CR1L: variants seen among roughly 807,000 people sequenced by gnomAD.
CR1L encodes complement C3b/C4b receptor 1 like.
In CR1L, 59 loss-of-function variants were observed where a neutral mutation model predicts 62.3. The ratio of observed to expected loss-of-function variants is 0.95; its 90% CI spans 0.77 to 1.18. CR1L has a LOEUF of 1.18. Among genes scored for constraint, CR1L ranks in the 50% most tolerant of loss-of-function variants. The pLI, the probability that CR1L is intolerant of heterozygous loss-of-function variation, is 0.00. For missense variants in CR1L, 700 were observed against 702.8 expected (o/e 1.00, Z 0.04); for synonymous variants, 279 against 248.7 (o/e 1.12, Z -1.15).
intron 10 of CR1L, chr1:207,710,539 C>T (rs1371806175): frequency 1.9e-6 from 3 of 1,609,272 alleles, no homozygotes; most frequent in Non-Finnish European, 2.5e-6. Context: ...CCATATACTG[C>T]ACCAGCAAAG....
intron 1 of CR1L, among the ~76,000 whole-genome samples, chr1:207,661,364 C>T (rs1663417790): frequency 1.3e-5 from 2 of 152,172 alleles, no homozygotes; most frequent in Non-Finnish European, 2.9e-5. Context: ...ATAGTTAGCT[C>T]TTCTTGTTGA....
intron 9 of CR1L, 37 bp from the exon 10 acceptor site, chr1:207,708,140 TA>T (rs11302038): frequency 0.59 from 937,397 of 1,598,586 alleles, 280,883 homozygotes; most frequent in East Asian, 0.87. Flanking sequence ...GTTGATGAGG[TA>T]TGTACAGCAC....
intron 1 of CR1L, among the ~76,000 whole-genome samples, chr1:207,663,669 G>A (rs1488879661): frequency 2.0e-5 from 3 of 152,230 alleles, no homozygotes; most frequent in African/African-American, 7.2e-5. Flanking sequence ...CCAGTGAGAT[G>A]AACCCGGTAC....
At chr1:207,655,748 G>A (rs1663298541) in intron 1 of CR1L, among the ~76,000 whole-genome samples, 2 of 151,576 alleles carry the variant, frequency 1.3e-5, no homozygotes, top group Non-Finnish European at 2.9e-5. Flanking sequence ...TGATTAATTT[G>A]TAAGAATAGA....
At position 207,696,843 on chromosome 1, in the gene CR1L, ACT is replaced by A. The variant is rs1424729346; in HGVS notation, c.863-656_863-655del. On this transcript the variant is annotated intron_variant, in intron 5 of 11. Coordinates refer to ENST00000508064, the MANE Select transcript of CR1L (RefSeq NM_175710.2). ...TTACAATATGTTGTGTGAAATAGAC[ACT>A]CTCATTATGGTGACAGTAGGTCTTT... Among the ~76,000 whole-genome samples, 24 of 152,250 alleles carry A rather than the reference ACT, an allele frequency of 1.6e-4. No individual in the cohort carries two copies. The East Asian group carries it at 4.4e-3, about 28-fold the overall frequency.
chr1:207,670,558 T>C (rs10863463), intron 1 of CR1L, among the ~76,000 whole-genome samples: 80,393 of 150,328 alleles, frequency 0.53, 22,616 homozygotes, highest in East Asian at 0.69. Context: ...AAGTGACAGT[T>C]TTGGTTGTTT....
At chr1:207,721,006 T>A (rs1044117311) in intron 11 of CR1L, among the ~76,000 whole-genome samples, 3 of 152,156 alleles carry the variant, frequency 2.0e-5, no homozygotes, top group African/African-American at 7.2e-5. Context: ...CTAAGGTAAA[T>A]GGAGTTTCTT....
chr1:207,669,410 A>G, intron 1 of CR1L: 1 of 494,386 alleles, frequency 2.0e-6, no homozygotes, highest in Non-Finnish European at 3.1e-6. Flanking sequence ...GTTTTCTTCG[A>G]GATCAAATCT....
At chr1:207,646,710 CAAAAAAAAAAAA>C (rs34443417) in intron 1 of CR1L, among the ~76,000 whole-genome samples, 1 of 64,730 alleles carries the variant, frequency 1.5e-5, no homozygotes, top group Non-Finnish European at 2.5e-5. Context: ...GACCCTGTCT[CAAAAAAAAAAAA>C]AAAAAAAAAA....
intron 1 of CR1L, among the ~76,000 whole-genome samples, chr1:207,673,900 G>A (rs933643581): frequency 3.9e-5 from 6 of 152,102 alleles, no homozygotes; most frequent in Non-Finnish European, 7.3e-5. Context: ...AATAGCCAAC[G>A]AGTGGGAACA....
At chr1:207,653,690 A>G (rs1416267823) in intron 1 of CR1L, among the ~76,000 whole-genome samples, 1 of 152,230 alleles carries the variant, frequency 6.6e-6, no homozygotes, top group Non-Finnish European at 1.5e-5. Context: ...AGCACTCGGT[A>G]ATAGCCTTTG....
intron 1 of CR1L, chr1:207,669,303 C>T (rs1663571400): frequency 1.7e-6 from 1 of 587,704 alleles, no homozygotes. Flanking sequence ...TGGTCAAAAG[C>T]ATTTTGTCCC....
intron 1 of CR1L, among the ~76,000 whole-genome samples, chr1:207,673,396 T>A (rs1663643351): frequency 6.6e-6 from 1 of 152,252 alleles, no homozygotes; most frequent in African/African-American, 2.4e-5. Context: ...CAGACATGCC[T>A]AAGCAAAGCA....
At position 207,697,967 on chromosome 1, in the gene CR1L, G is replaced by GACACAC. The variant is rs1238756679; in HGVS notation, c.1142+97_1142+98insCACACA. On this transcript the variant is annotated intron_variant, in intron 7 of 11. Coordinates refer to ENST00000508064, the MANE Select transcript of CR1L (RefSeq NM_175710.2). ...ATTTGATGTGGCTTAAAAAAAGACA[G>GACACAC]ACAGACAGACACACACACACACACA... is the stretch of plus-strand genomic sequence containing the variant. The GACACAC allele has an allele frequency of 2.6e-6, 4 of 1,546,138 alleles. No individual in the cohort carries two copies. In the African/African-American group the frequency reaches 5.5e-5, roughly 21 times the overall value.
chr1:207,697,994 ACAAT>A (rs1318254098), intron 7 of CR1L, 121 bp downstream of exon 7: 1 of 1,442,128 alleles, frequency 6.9e-7, no homozygotes, highest in Non-Finnish European at 9.5e-7. Flanking sequence ...ACACACACAC[ACAAT>A]CAGAGAGATG....
intron 1 of CR1L, among the ~76,000 whole-genome samples, chr1:207,663,698 AATCAC>A (rs1558012631): frequency 6.6e-6 from 1 of 152,158 alleles, no homozygotes; most frequent in Non-Finnish European, 1.5e-5. Flanking sequence ...GAAATGCAGA[AATCAC>A]CCGTCTTCTG....
At chr1:207,645,883 C>T (rs75553932) in intron 1 of CR1L, among the ~76,000 whole-genome samples, 1 of 152,106 alleles carries the variant, frequency 6.6e-6, no homozygotes, top group Non-Finnish European at 1.5e-5. Context: ...TTGCTGGGAG[C>T]GTGCTGTGCG....
rs548929168 is a variant in CR1L, at chr1:207,694,242, G to A, written c.464-111G>A. The A allele has an allele frequency of 1.7e-4, 222 of 1,331,202 alleles. 1 individual carries two copies. In the South Asian group the frequency reaches 2.5e-3, roughly 15 times the overall value. The allele number at this position is 1,331,202 out of a possible 1,614,324, so 82.5% of individuals were successfully genotyped here. On this transcript the variant is annotated intron_variant, in intron 4 of 11. Coordinates refer to ENST00000508064, the MANE Select transcript of CR1L (RefSeq NM_175710.2). ...TACAACTTTGTAAAAATGTACCTAC[G>A]TGTTAGCAAAGAATAAAAGCAAATA... is the stretch of plus-strand genomic sequence containing the variant.
chr1:207,654,910 G>A (rs1342805304), intron 1 of CR1L, among the ~76,000 whole-genome samples: 1 of 152,192 alleles, frequency 6.6e-6, no homozygotes, highest in Non-Finnish European at 1.5e-5. Flanking sequence ...AAATGAATGT[G>A]TAATGTGATT....
Sources: allele counts gnomAD v4.1 joint callset (sites outside exome capture counted in the v4.1 genomes callset), GRCh38; gene constraint gnomAD v4.1.1; transcripts MANE v1.5; gene names NCBI Gene and HGNC (gene_info 2026-07-23, HGNC 2026-07-21).